DCAF13: variants seen among roughly 807,000 people sequenced by gnomAD.
DCAF13 encodes DDB1 and CUL4 associated factor 13, also known as DDB1- and CUL4-associated factor 13.
In DCAF13, 38 loss-of-function variants were observed where a neutral mutation model predicts 59.0. The ratio of observed to expected loss-of-function variants is 0.64; its 90% CI spans 0.50 to 0.84. DCAF13 has a LOEUF of 0.84. Among genes scored for constraint, DCAF13 ranks in the 40% least tolerant of loss-of-function variants. The pLI is 0.00. For missense variants in DCAF13, 469 were observed against 558.4 expected (o/e 0.84, Z 1.61); for synonymous variants, 173 against 175.0 (o/e 0.99, Z 0.09).
intron 1 of DCAF13, among the ~76,000 whole-genome samples, chr8:103,416,692 G>A (rs573548626): frequency 2.6e-5 from 4 of 152,192 alleles, no homozygotes; most frequent in South Asian, 2.1e-4. Context: ...TATTATTTTG[G>A]TTAATAGTCT....
chr8:103,441,568 C>T lies in DCAF13; in HGVS notation c.1200C>T (p.Ile400=), dbSNP rs747433025. 6.2e-7 allele frequency: 1 copy of T among 1,609,878 alleles called. No homozygotes were observed. Among genetic ancestry groups the T allele is most frequent in the African/African-American group, 1.3e-5 (1 of 74,712 alleles). The change falls in exon 10 of 11, where the codon ATC becomes ATT. Residue 400 remains isoleucine, a synonymous_variant. Coordinates refer to ENST00000612750, the MANE Select transcript of DCAF13 (RefSeq NM_015420.7). Reference sequence around the variant, plus strand: ...GTCATCGACATCTACCAAAATCTATCTATAGCCAGATTCAGGAACAGCGCA... The same window carrying T: ...GTCATCGACATCTACCAAAATCTATTTATAGCCAGATTCAGGAACAGCGCA... ...IARHRHLPKS[I]YSQIQEQRIM... is the part of the protein sequence containing the mutation.
intron 5 of DCAF13, chr8:103,429,863 T>A (rs183041652): frequency 1.3e-5 from 2 of 152,288 alleles, no homozygotes; most frequent in East Asian, 1.9e-4. Flanking sequence ...GGAAAAATAA[T>A]TAGCCCTAAA....
At chr8:103,418,867 T>TATATATATATA (rs1491287087) in intron 1 of DCAF13, among the ~76,000 whole-genome samples, 16 of 8,936 alleles carry the variant, frequency 1.8e-3, no homozygotes, top group East Asian at 6.3e-3. Context: ...TATATATATA[T>TATATATATATA]TTTTTTTTTT....
rs1159489554 is a variant in DCAF13, at chr8:103,418,866, ATTTTTTTTT to A, written c.71-1371_71-1363del. ...TATATATATATATATATATATATAT[ATTTTTTTTT>A]TTTTTTTTTTTTTTTTTTTTTTTTT... On this transcript the variant is annotated intron_variant, in intron 1 of 10. Coordinates refer to ENST00000612750, the MANE Select transcript of DCAF13 (RefSeq NM_015420.7). Among the ~76,000 whole-genome samples the A allele has an allele frequency of 5.6e-3, 216 of 38,410 alleles. 3 individuals carry two copies. The highest frequency in any genetic ancestry group is 0.018 in the African/African-American group (180 of 10,116). The allele number at this position is 38,410 out of a possible 152,430, so 25.2% of individuals were successfully genotyped here.
chr8:103,440,393 TAAAA>T (rs58480092), intron 9 of DCAF13, 122 bp downstream of exon 9: 125,599 of 831,446 alleles, frequency 0.15, 11,016 homozygotes, highest in East Asian at 0.35. Flanking sequence ...ATAGCTGTGA[TAAAA>T]AAAGCAATAA....
intron 5 of DCAF13, chr8:103,428,795 A>T (rs979728376): frequency 6.6e-6 from 1 of 152,202 alleles, no homozygotes; most frequent in Non-Finnish European, 1.5e-5. Flanking sequence ...TGCTTTGGTG[A>T]ACATCTGTGT....
chr8:103,424,229 G>A (rs757482183), intron 3 of DCAF13, among the ~76,000 whole-genome samples: 3 of 151,898 alleles, frequency 2.0e-5, no homozygotes, highest in Non-Finnish European at 4.4e-5. Flanking sequence ...GGGTTTCACC[G>A]TGTTAGCCAT....
chr8:103,422,132 T>C (rs898804683), intron 3 of DCAF13, among the ~76,000 whole-genome samples: 6 of 152,150 alleles, frequency 3.9e-5, no homozygotes, highest in East Asian at 1.9e-4. Flanking sequence ...CTTTGGAGGA[T>C]TGACAGGTTT....
At chr8:103,421,201 G>A (rs1331280577) in intron 3 of DCAF13, 119 bp downstream of exon 3, 1 of 729,442 alleles carries the variant, frequency 1.4e-6, no homozygotes, top group Non-Finnish European at 2.4e-6. Flanking sequence ...GTTTCACAAT[G>A]CAAAATAGCT....
At chr8:103,417,383 T>C (rs749833684) in intron 1 of DCAF13, among the ~76,000 whole-genome samples, 9 of 152,114 alleles carry the variant, frequency 5.9e-5, no homozygotes, top group African/African-American at 9.7e-5. Context: ...GGCTTATGCC[T>C]GTAATCCCAG....
At chr8:103,432,777 A>G in intron 7 of DCAF13, 36 bp downstream of exon 7, 2 of 1,269,468 alleles carry the variant, frequency 1.6e-6, no homozygotes, top group Non-Finnish European at 2.3e-6. Context: ...GTGTATTTCT[A>G]TCATGAATGG....
At chr8:103,418,857 TATATATATA>T (rs1215174486) in intron 1 of DCAF13, among the ~76,000 whole-genome samples, 8 of 22,882 alleles carry the variant, frequency 3.5e-4, no homozygotes, top group African/African-American at 1.0e-3. Flanking sequence ...TATATATATA[TATATATATA>T]TTTTTTTTTT....
In DCAF13 at chr8:103,440,283, C is replaced by A. The variant is rs1274499294; in HGVS notation, c.1086+12C>A. 2 of 1,550,388 alleles carry A rather than the reference C, an allele frequency of 1.3e-6. No homozygotes were observed. The highest frequency in any genetic ancestry group is 1.7e-6 in the Non-Finnish European group (2 of 1,153,918). ...AAAAATTGGGTGTGGTAAGAGAATTCATTTTCTTTCATTGTCATAAAGCTG... is the reference window on the plus strand; with the variant it reads ...AAAAATTGGGTGTGGTAAGAGAATTAATTTTCTTTCATTGTCATAAAGCTG... On this transcript the variant is annotated intron_variant, in intron 9 of 10. Transcript: ENST00000612750.
chr8:103,441,720 A>C (rs996119200), intron 10 of DCAF13, 102 bp downstream of exon 10: 3 of 1,091,258 alleles, frequency 2.7e-6, no homozygotes, highest in African/African-American at 1.6e-5. Flanking sequence ...TTTATGTGCT[A>C]TTATTTAATA....
At chr8:103,438,147 C>A (rs541483881) in intron 8 of DCAF13, among the ~76,000 whole-genome samples, 1 of 152,034 alleles carries the variant, frequency 6.6e-6, no homozygotes, top group Non-Finnish European at 1.5e-5. Flanking sequence ...GTTACGGAAA[C>A]CTGATTGAAT....
intron 3 of DCAF13, 35 bp downstream of exon 3, chr8:103,421,117 C>A: frequency 1.5e-6 from 2 of 1,318,340 alleles, no homozygotes; most frequent in South Asian, 1.2e-5. Context: ...TAAATTTGAT[C>A]AACATAGGTA....
chr8:103,430,474 T>G, intron 5 of DCAF13, 138 bp from the exon 6 acceptor site: 1 of 540,494 alleles, frequency 1.9e-6, no homozygotes, highest in Non-Finnish European at 3.3e-6. Context: ...AGATTATGGA[T>G]GATTTATTGT....
intron 1 of DCAF13, among the ~76,000 whole-genome samples, chr8:103,415,974 C>T (rs1816605165): frequency 1.3e-5 from 2 of 152,322 alleles, no homozygotes; most frequent in East Asian, 3.9e-4. Context: ...TTTTCTCTTA[C>T]CATCCCTTAA....
At chr8:103,424,274 G>A (rs1047889451) in intron 3 of DCAF13, among the ~76,000 whole-genome samples, 4 of 152,088 alleles carry the variant, frequency 2.6e-5, no homozygotes, top group Non-Finnish European at 4.4e-5. Flanking sequence ...TGATCCACCC[G>A]CCTCAGCCTC....
Sources: allele counts gnomAD v4.1 joint callset (sites outside exome capture counted in the v4.1 genomes callset), GRCh38; gene constraint gnomAD v4.1.1; transcripts MANE v1.5; gene names NCBI Gene and HGNC (gene_info 2026-07-23, HGNC 2026-07-21).